The following SRRM3 variants were observed in gnomAD, a reference collection of about 807,000 sequenced individuals.
The protein encoded by SRRM3 is serine/arginine repetitive matrix protein 3.
SRRM3 carries 27 observed loss-of-function variants against 66.2 expected under a neutral mutation model. The observed-to-expected ratio is 0.41, with a 90% CI of 0.30 to 0.56. The LOEUF (loss-of-function observed/expected upper bound fraction) is 0.56, where lower values mean the gene tolerates loss of function less well. Among genes scored for constraint, SRRM3 ranks in the 20% least tolerant of loss-of-function variants. The pLI is 0.32. For synonymous variants in SRRM3, 391 were observed against 414.9 expected, an observed-to-expected ratio of 0.94 and a Z score of 0.70; for missense variants, 918 against 991.9, an observed-to-expected ratio of 0.93 and a Z score of 1.00.
At chr7:76,263,877 CAAAAAAAAAAAAAAAA>C (rs781852712) in intron 8 of SRRM3, among the ~76,000 whole-genome samples, 1 of 49,524 alleles carries the variant, frequency 2.0e-5, no homozygotes, top group Non-Finnish European at 4.4e-5. Context: ...TGTCTCAAGA[CAAAAAAAAAAAAAAAA>C]AAAAAAAAAA....
rs1019870167 is a variant in SRRM3, at chr7:76,285,072, T to G, written c.1734-543T>G. Reference sequence around the variant, plus strand: ...TGCAAGTTTCATTCATTCAACAAGTTTTTTTTTTTGAGACGGAGTCTCACT... The same window carrying G: ...TGCAAGTTTCATTCATTCAACAAGTGTTTTTTTTTGAGACGGAGTCTCACT... On this transcript the variant is annotated intron_variant, in intron 14 of 14. Coordinates refer to ENST00000611745, the MANE Select transcript of SRRM3 (RefSeq NM_001110199.3). The surrounding 1 kb of genome is among the most constrained non-coding windows in gnomAD (Gnocchi z 4.1). Among the ~76,000 whole-genome samples the G allele has an allele frequency of 2.6e-5, 4 of 151,544 alleles. No homozygotes were observed. The highest frequency in any genetic ancestry group is 4.4e-5 in the Non-Finnish European group (3 of 67,856).
chr7:76,284,509 C>T (rs1390999978), intron 14 of SRRM3, among the ~76,000 whole-genome samples: 1 of 152,104 alleles, frequency 6.6e-6, no homozygotes, highest in African/African-American at 2.4e-5. Flanking sequence ...ATGTCCTCTC[C>T]CACCTCCTGT....
At chr7:76,242,646 C>T (rs1350212422) in intron 2 of SRRM3, among the ~76,000 whole-genome samples, 2 of 151,998 alleles carry the variant, frequency 1.3e-5, no homozygotes, top group African/African-American at 2.4e-5. Flanking sequence ...ATGTAGAGTC[C>T]GTGGGAGCCC....
chr7:76,230,235 A>G (rs1800978238), intron 1 of SRRM3, among the ~76,000 whole-genome samples: 1 of 152,170 alleles, frequency 6.6e-6, no homozygotes, highest in East Asian at 1.9e-4. Flanking sequence ...TCTCCACTAA[A>G]TACCTACATC....
chr7:76,269,742 T>C (rs1802162109), intron 11 of SRRM3: 2 of 133,450 alleles, frequency 1.5e-5, no homozygotes, highest in South Asian at 5.0e-4. Flanking sequence ...TTTGTTTTTA[T>C]TTCCTTTTCC....
In SRRM3 at chr7:76,202,968, C is replaced by T. The variant is rs553249934; in HGVS notation, c.-40+901C>T. ...GTGCCCTATCCCAGCCATAACTTCT[C>T]GCTGTCCTAAGACCTCACTCACCCT... On this transcript the variant is annotated intron_variant, in intron 1 of 14. Coordinates refer to ENST00000611745, the MANE Select transcript of SRRM3 (RefSeq NM_001110199.3). Among the ~76,000 whole-genome samples, 5 of 152,274 alleles carry T rather than the reference C, an allele frequency of 3.3e-5. No homozygotes were observed. In the South Asian group the frequency reaches 1.0e-3, roughly 32 times the overall value.
intron 9 of SRRM3, 127 bp from the exon 10 acceptor site, chr7:76,265,237 G>A (rs1408465018): frequency 4.9e-6 from 3 of 617,692 alleles, no homozygotes; most frequent in Non-Finnish European, 8.3e-6. Context: ...GACTTTAGGG[G>A]ACTGATGAAC....
At chr7:76,209,203 T>A (rs1460414340) in intron 1 of SRRM3, among the ~76,000 whole-genome samples, 1 of 152,224 alleles carries the variant, frequency 6.6e-6, no homozygotes, top group African/African-American at 2.4e-5. Context: ...GAGGGCCTCC[T>A]GTTTTCTGGG....
chr7:76,244,617 G>T (rs1309492020), intron 2 of SRRM3, among the ~76,000 whole-genome samples: 4 of 151,206 alleles, frequency 2.6e-5, no homozygotes, highest in Non-Finnish European at 5.9e-5. Context: ...TGGTCCCCAA[G>T]TCCCATCCCT....
chr7:76,229,279 T>A (rs1319083142), intron 1 of SRRM3, among the ~76,000 whole-genome samples: 2 of 152,152 alleles, frequency 1.3e-5, no homozygotes, highest in Non-Finnish European at 2.9e-5. Context: ...AAATTTGAAT[T>A]TCAGATAAAC....
Position 76,204,001 on chromosome 7 carries a change from C to T in SRRM3, c.-40+1934C>T, listed in dbSNP as rs113341613. Among the ~76,000 whole-genome samples the T allele has an allele frequency of 4.7e-3, 722 of 152,228 alleles. 7 individuals carry two copies. Among genetic ancestry groups the T allele is most frequent in the African/African-American group, 0.016 (661 of 41,530 alleles). ...CCAGCGGGGTGCCTCTACCCCGTCACACCTGCCAAAGGGGGGGTCTGGGTC... is the reference window on the plus strand; with the variant it reads ...CCAGCGGGGTGCCTCTACCCCGTCATACCTGCCAAAGGGGGGGTCTGGGTC... On this transcript the variant is annotated intron_variant, in intron 1 of 14. Coordinates refer to ENST00000611745, the MANE Select transcript of SRRM3 (RefSeq NM_001110199.3).
At chr7:76,235,953 C>G (rs1174731025) in intron 2 of SRRM3, among the ~76,000 whole-genome samples, 11 of 142,244 alleles carry the variant, frequency 7.7e-5, no homozygotes, top group Non-Finnish European at 1.6e-4. Context: ...TTGCAGTGAG[C>G]CGAGATCCGG....
At chr7:76,222,501 T>C (rs555147522) in intron 1 of SRRM3, among the ~76,000 whole-genome samples, 68 of 152,054 alleles carry the variant, frequency 4.5e-4, no homozygotes, top group African/African-American at 1.2e-3. Flanking sequence ...GGCTCCCTAT[T>C]GCCTGCAGGG....
At chr7:76,231,452 C>T (rs1220799599) in intron 1 of SRRM3, among the ~76,000 whole-genome samples, 1 of 152,250 alleles carries the variant, frequency 6.6e-6, no homozygotes, top group African/African-American at 2.4e-5. Flanking sequence ...ACGACTCTCA[C>T]CAGCTTTCCG....
At chr7:76,230,981 C>T (rs1311164199) in intron 1 of SRRM3, among the ~76,000 whole-genome samples, 1 of 151,992 alleles carries the variant, frequency 6.6e-6, no homozygotes, top group Non-Finnish European at 1.5e-5. Flanking sequence ...GAACTCCTGA[C>T]CTCAGGTGAT....
chr7:76,257,424 A>AC (rs1554607893), intron 3 of SRRM3, among the ~76,000 whole-genome samples: 1 of 137,466 alleles, frequency 7.3e-6, no homozygotes, highest in Non-Finnish European at 1.5e-5. Context: ...CTGGAGGGTC[A>AC]CTTCCAGGCT....
chr7:76,246,920 T>C (rs1801457741), intron 2 of SRRM3, among the ~76,000 whole-genome samples: 1 of 152,238 alleles, frequency 6.6e-6, no homozygotes, highest in Non-Finnish European at 1.5e-5. Context: ...TCAATTCACT[T>C]TGCCTTAGCT....
chr7:76,258,929 A>G (rs1801787541), intron 3 of SRRM3, among the ~76,000 whole-genome samples: 1 of 151,586 alleles, frequency 6.6e-6, no homozygotes, highest in South Asian at 2.1e-4. Flanking sequence ...CTGTAATCCC[A>G]GCTACTCGGG....
intron 1 of SRRM3, among the ~76,000 whole-genome samples, chr7:76,214,838 A>G (rs1800517689): frequency 6.6e-6 from 1 of 151,994 alleles, no homozygotes; most frequent in African/African-American, 2.4e-5. Context: ...AGAACTCTTG[A>G]TCTTAAGTGA....
Sources: gnomAD v4.1 joint callset for allele counts (sites outside exome capture counted in the v4.1 genomes callset) on GRCh38, gnomAD v4.1.1 for gene constraint, Gnocchi (gnomAD v3.1) non-coding constraint, MANE v1.5 for transcripts, NCBI Gene and HGNC (gene_info 2026-07-23, HGNC 2026-07-21) for gene names.